WDR72: variants seen among roughly 807,000 people sequenced by gnomAD.
WDR72 encodes the protein WD repeat domain 72.
A neutral mutation model predicts 124.2 loss-of-function variants in WDR72; 120 were observed. That is an observed-to-expected ratio of 0.97 (90% CI 0.83 to 1.12). The LOEUF is 1.12. Ranked by LOEUF, WDR72 falls within the 50% of genes most tolerant of loss-of-function variation. The pLI is 0.00. For missense variants in WDR72, 1,387 were observed against 1,278.8 expected, an observed-to-expected ratio of 1.08 and a Z score of -1.29; for synonymous variants, 452 against 441.7, an observed-to-expected ratio of 1.02 and a Z score of -0.29.
At chr15:53,602,247 A>G (rs2013076802) in intron 17 of WDR72, among the ~76,000 whole-genome samples, 2 of 152,166 alleles carry the variant, frequency 1.3e-5, no homozygotes, top group Non-Finnish European at 2.9e-5. Context: ...TTTTGGGTAA[A>G]TGACATTAAG....
chr15:53,610,275 T>G (rs2013482560), intron 16 of WDR72, among the ~76,000 whole-genome samples: 1 of 152,040 alleles, frequency 6.6e-6, no homozygotes, highest in South Asian at 2.1e-4. Flanking sequence ...TCCAGCAGTT[T>G]CCTACACAAA....
chr15:53,677,074 G>A (rs1198652239), intron 13 of WDR72, among the ~76,000 whole-genome samples: 2 of 151,278 alleles, frequency 1.3e-5, no homozygotes, highest in Non-Finnish European at 2.9e-5. Context: ...GCACCCTCCC[G>A]CACGCCCAGC....
chr15:53,679,944 C>CAAA (rs3081356), intron 13 of WDR72, among the ~76,000 whole-genome samples: 12 of 143,224 alleles, frequency 8.4e-5, no homozygotes, highest in African/African-American at 1.9e-4. Context: ...ATATCTGCAG[C>CAAA]AAAAAAAAAA....
chr15:53,589,639 G>T (rs1227776994), intron 18 of WDR72, among the ~76,000 whole-genome samples: 1 of 151,996 alleles, frequency 6.6e-6, no homozygotes, highest in Non-Finnish European at 1.5e-5. Context: ...ATTTAAATGG[G>T]TATGCAGACA....
At chr15:53,673,690 T>C (rs1343912684) in intron 13 of WDR72, among the ~76,000 whole-genome samples, 1 of 152,172 alleles carries the variant, frequency 6.6e-6, no homozygotes, top group Non-Finnish European at 1.5e-5. Flanking sequence ...TATATTTCAT[T>C]GTGAAAAAAG....
chr15:53,526,185 C>T (rs1892103948), intron 18 of WDR72, among the ~76,000 whole-genome samples: 1 of 152,006 alleles, frequency 6.6e-6, no homozygotes, highest in Non-Finnish European at 1.5e-5. Flanking sequence ...CCTCATACAA[C>T]TTGTGCTCTA....
At chr15:53,632,662 G>A (rs2014475709) in intron 14 of WDR72, among the ~76,000 whole-genome samples, 1 of 152,224 alleles carries the variant, frequency 6.6e-6, no homozygotes, top group Non-Finnish European at 1.5e-5. Flanking sequence ...GCTGAACCCT[G>A]GGAAGCCACA....
At chr15:53,549,516 A>C (rs575543015) in intron 18 of WDR72, among the ~76,000 whole-genome samples, 21 of 152,332 alleles carry the variant, frequency 1.4e-4, no homozygotes, top group Non-Finnish European at 2.9e-4. Flanking sequence ...AACTCAAGGT[A>C]GCTAAATTAA....
chr15:53,523,261 CT>C lies in WDR72; in HGVS notation c.3209del (p.Glu1070GlyfsTer24). The part of the protein sequence containing the change: ...NSNSANFQDV[E>X]DMPDRCALEE... ...CCAAGGCACATCTGTCAGGCATGTC[CT>C]CCACGTCTTGGAAGTTTGCCGAGTT... On this transcript the variant is annotated frameshift_variant, in exon 19 of 20. Transcript: ENST00000360509. LOFTEE classifies it high-confidence loss of function. The C allele has an allele frequency of 1.2e-6, 2 of 1,613,170 alleles. No homozygotes were observed. The highest frequency in any genetic ancestry group is 1.7e-6 in the Non-Finnish European group (2 of 1,179,436).
rs529097516 is a variant in WDR72 at position 53,668,580 on chromosome 15, C to G, written c.1766-2812G>C. Among the ~76,000 whole-genome samples, 16 of 152,130 alleles carry G rather than the reference C, an allele frequency of 1.1e-4. No homozygotes were observed. In the South Asian group the frequency reaches 3.1e-3, roughly 30 times the overall value. ...GAAATGTTAACCTTTGTGGACAGAG[C>G]GTGCTGGAAACACCTAGTAGAAGAA... On this transcript the variant is annotated intron_variant, in intron 13 of 19. Coordinates refer to ENST00000360509, the MANE Select transcript of WDR72 (RefSeq NM_182758.4).
chr15:53,644,868 C>T (rs887888557), intron 14 of WDR72, among the ~76,000 whole-genome samples: 2 of 152,076 alleles, frequency 1.3e-5, no homozygotes, highest in Non-Finnish European at 2.9e-5. Context: ...GACAACATTA[C>T]CAAGCTAATG....
intron 18 of WDR72, among the ~76,000 whole-genome samples, chr15:53,542,771 T>G (rs1253751796): frequency 4.9e-5 from 3 of 61,290 alleles, no homozygotes; most frequent in African/African-American, 6.4e-5. Context: ...GAGACACACA[T>G]AGGCTCAAAA....
intron 14 of WDR72, among the ~76,000 whole-genome samples, chr15:53,662,786 C>T (rs1051989753): frequency 1.3e-5 from 2 of 152,062 alleles, no homozygotes; most frequent in African/African-American, 4.8e-5. Flanking sequence ...GCAACCTTGG[C>T]AGGTACAGTG....
At chr15:53,701,241 C>A (rs1400934826) in intron 12 of WDR72, among the ~76,000 whole-genome samples, 1 of 152,042 alleles carries the variant, frequency 6.6e-6, no homozygotes, top group Non-Finnish European at 1.5e-5. Context: ...CAAATAAAAA[C>A]CCATTTAAGA....
chr15:53,591,974 C>T (rs141451829), intron 18 of WDR72, among the ~76,000 whole-genome samples: 115 of 152,152 alleles, frequency 7.6e-4, no homozygotes, highest in African/African-American at 2.6e-3. Flanking sequence ...CGATCTTCCA[C>T]TATATCTTCA....
At chr15:53,610,326 C>T (rs562950291) in intron 16 of WDR72, among the ~76,000 whole-genome samples, 4 of 151,876 alleles carry the variant, frequency 2.6e-5, no homozygotes, top group African/African-American at 9.7e-5. Flanking sequence ...TGAAAATGTA[C>T]ATATAACCAT....
chr15:53,623,152 T>C (rs923607785), intron 14 of WDR72, among the ~76,000 whole-genome samples: 2 of 152,092 alleles, frequency 1.3e-5, no homozygotes, highest in Admixed American at 1.3e-4. Flanking sequence ...TTTCAACTTT[T>C]ATTTTAGATT....
chr15:53,632,299 T>C (rs920624598), intron 14 of WDR72, among the ~76,000 whole-genome samples: 6 of 151,958 alleles, frequency 3.9e-5, no homozygotes, highest in African/African-American at 1.5e-4. Context: ...GTGCAAGTGG[T>C]AAGCTTTGGC....
At chr15:53,683,660 G>C (rs376575467) in intron 13 of WDR72, among the ~76,000 whole-genome samples, 19 of 152,066 alleles carry the variant, frequency 1.2e-4, no homozygotes, top group African/African-American at 4.3e-4. Flanking sequence ...CACACACACA[G>C]AATATAGTGA....
Sources: gnomAD v4.1 joint callset for allele counts (sites outside exome capture counted in the v4.1 genomes callset) on GRCh38, gnomAD v4.1.1 for gene constraint, MANE v1.5 for transcripts, NCBI Gene and HGNC (gene_info 2026-07-23, HGNC 2026-07-21) for gene names.